The following ZC3H18 variants were observed in gnomAD, a reference collection of about 807,000 sequenced individuals.
The protein encoded by ZC3H18 is zinc finger CCCH-type containing 18, also known as zinc finger CCCH domain-containing protein 18.
A neutral mutation model predicts 106.1 loss-of-function variants in ZC3H18; 8 were observed. The observed-to-expected ratio is 0.08, with a 90% CI of 0.04 to 0.14. ZC3H18 has a LOEUF of 0.14. ZC3H18 is among the 10% of genes least tolerant of loss of function. ZC3H18 has a pLI of 1.00. For missense variants in ZC3H18, 1,318 were observed against 1,278.4 expected (o/e 1.03, Z -0.47); for synonymous variants, 635 against 522.1 (o/e 1.22, Z -2.95).
intron 8 of ZC3H18, among the ~76,000 whole-genome samples, chr16:88,617,537 C>CG (rs1567595390): frequency 6.6e-6 from 1 of 152,232 alleles, no homozygotes; most frequent in Non-Finnish European, 1.5e-5. Context: ...TAGTCATTGT[C>CG]ATTAGAAATG....
At chr16:88,628,556 G>A (rs768364838) in intron 15 of ZC3H18, 12 of 593,832 alleles carry the variant, frequency 2.0e-5, no homozygotes, top group East Asian at 5.8e-5. Context: ...CCCCTGGAAC[G>A]TGAAGGGCCC....
intron 6 of ZC3H18, among the ~76,000 whole-genome samples, chr16:88,604,371 C>A (rs1225920848): frequency 6.8e-6 from 1 of 146,520 alleles, no homozygotes; most frequent in Non-Finnish European, 1.5e-5. Flanking sequence ...AAAAAAAGTT[C>A]TCACATATGT....
chr16:88,591,610 T>C (rs2142623691), intron 3 of ZC3H18, among the ~76,000 whole-genome samples: 1 of 151,550 alleles, frequency 6.6e-6, no homozygotes, highest in East Asian at 1.9e-4. Flanking sequence ...TTTGTTAGTG[T>C]GGAGCAGCTG....
intron 2 of ZC3H18, among the ~76,000 whole-genome samples, chr16:88,585,970 G>A (rs1597326412): frequency 6.6e-6 from 1 of 152,140 alleles, no homozygotes; most frequent in Admixed American, 6.5e-5. Context: ...TCAGCTGCAC[G>A]TCCGTGGGAA....
intron 2 of ZC3H18, among the ~76,000 whole-genome samples, chr16:88,585,454 G>A (rs1230486501): frequency 6.6e-6 from 1 of 152,226 alleles, no homozygotes; most frequent in African/African-American, 2.4e-5. Flanking sequence ...GCCCTGGTGG[G>A]GCACAGGGTT....
intron 2 of ZC3H18, among the ~76,000 whole-genome samples, chr16:88,584,288 G>A (rs1234800800): frequency 6.6e-6 from 1 of 152,106 alleles, no homozygotes; most frequent in African/African-American, 2.4e-5. Flanking sequence ...CAGGCGTGAT[G>A]TCGGGCACCT....
chr16:88,613,268 G>T (rs144456538), intron 8 of ZC3H18, among the ~76,000 whole-genome samples: 1 of 152,240 alleles, frequency 6.6e-6, no homozygotes, highest in South Asian at 2.1e-4. Flanking sequence ...GTTGATGGAC[G>T]TTGGGTTGTT....
intron 6 of ZC3H18, among the ~76,000 whole-genome samples, chr16:88,607,164 C>G (rs371067193): frequency 1.3e-5 from 2 of 152,212 alleles, no homozygotes; most frequent in Non-Finnish European, 2.9e-5. Flanking sequence ...GAAGAATCCC[C>G]TCTGTCCCTG....
chr16:88,570,721 C>A (rs1332552513), intron 1 of ZC3H18, among the ~76,000 whole-genome samples, 155 bp downstream of exon 1: 5 of 151,562 alleles, frequency 3.3e-5, no homozygotes, highest in African/African-American at 1.2e-4. Context: ...GCCCTCGGGC[C>A]CAGGGAAGGG....
chr16:88,611,282 G>A lies in ZC3H18; in HGVS notation c.1221G>A (p.Glu407=). 1.3e-6 allele frequency: 1 copy of A among 775,196 alleles called. No individual in the cohort carries two copies. The allele number at this position is 775,196 out of a possible 1,614,324, so 48.0% of individuals were successfully genotyped here. ...PYHNYRERER[E]RERENRQRER... ...TTTTAACAAAGGAAAGGGAGCGGGA[G>A]CGAGAGAGAGAGAACAGACAGCGCG... is the stretch of plus-strand genomic sequence containing the variant. Residue 407 remains glutamate, a synonymous_variant, in exon 8 of 18, where the codon GAG becomes GAA. Coordinates refer to ENST00000301011, the MANE Select transcript of ZC3H18 (RefSeq NM_144604.4).
chr16:88,574,581 C>T lies in ZC3H18; in HGVS notation c.-14-2529C>T, dbSNP rs534349376. Reference sequence around the variant, plus strand: ...TCACTCTGTCACCCAGGCTGAACTGCAGCCTCAACCTCCTAGGATCAGGTG... The same window carrying T: ...TCACTCTGTCACCCAGGCTGAACTGTAGCCTCAACCTCCTAGGATCAGGTG... On this transcript the variant is annotated intron_variant, in intron 1 of 17. Transcript: ENST00000301011. Among the ~76,000 whole-genome samples, 7 of 151,460 alleles carry T rather than the reference C, an allele frequency of 4.6e-5. No individual in the cohort carries two copies. In the East Asian group the frequency reaches 1.4e-3, roughly 29 times the overall value.
intron 7 of ZC3H18, among the ~76,000 whole-genome samples, chr16:88,610,676 G>A (rs1025896202): frequency 1.3e-5 from 2 of 152,244 alleles, no homozygotes; most frequent in Admixed American, 1.3e-4. Context: ...GCAAATGAAT[G>A]AGTAAGAGCA....
intron 8 of ZC3H18, among the ~76,000 whole-genome samples, chr16:88,613,138 C>T (rs1186095937): frequency 6.6e-6 from 1 of 152,242 alleles, no homozygotes; most frequent in East Asian, 1.9e-4. Flanking sequence ...GTGTGCAATA[C>T]ACAGCGTTTT....
intron 8 of ZC3H18, among the ~76,000 whole-genome samples, chr16:88,616,108 G>A (rs1430878973): frequency 2.0e-5 from 3 of 152,182 alleles, no homozygotes; most frequent in Non-Finnish European, 2.9e-5. Context: ...GCAGCAGGTT[G>A]CCATCGCCAG....
At position 88,577,407 on chromosome 16, in the gene ZC3H18, C is replaced by A; in HGVS notation, c.284C>A (p.Ser95Tyr). Residue 95 changes from serine (S) to tyrosine (Y), a missense_variant, in exon 2 of 18, where the codon TCC becomes TAC. Around this residue, in one of 6 missense-constraint regions of ZC3H18, gnomAD observed 346 missense variants for 269.0 expected, o/e 1.29. Transcript: ENST00000301011. ...VNELSRGPTS[S>Y]PCEEEGDEGE... ...GAGCTGAGCCGGGGCCCGACCAGCT[C>A]CCCCTGCGAGGAGGAGGGGGACGAA... is the stretch of plus-strand genomic sequence containing the variant. The A allele has an allele frequency of 6.2e-7, 1 of 1,600,492 alleles. No homozygotes were observed. Among genetic ancestry groups the A allele is most frequent in the Non-Finnish European group, 8.5e-7 (1 of 1,171,904 alleles).
At chr16:88,577,807 G>T (rs749316691) in intron 2 of ZC3H18, 81 bp downstream of exon 2, 2 of 1,602,362 alleles carry the variant, frequency 1.2e-6, no homozygotes, top group African/African-American at 2.7e-5. Context: ...GAGGGACTCT[G>T]TGTGGGACTG....
At chr16:88,571,004 C>T (rs1914367864) in intron 1 of ZC3H18, among the ~76,000 whole-genome samples, 1 of 152,232 alleles carries the variant, frequency 6.6e-6, no homozygotes, top group African/African-American at 2.4e-5. Flanking sequence ...TATGAACCTC[C>T]TGGAACTTGC....
intron 6 of ZC3H18, among the ~76,000 whole-genome samples, chr16:88,606,079 C>T (rs892479856): frequency 6.6e-6 from 1 of 152,252 alleles, no homozygotes; most frequent in Non-Finnish European, 1.5e-5. Flanking sequence ...TGCTGCGAGC[C>T]AGCTTTGCCC....
At position 88,623,940 on chromosome 16, in the gene ZC3H18, C is replaced by T. The variant is rs751109241; in HGVS notation, c.1794-18C>T. 5.6e-6 allele frequency: 9 copies of T among 1,603,030 alleles called. No individual in the cohort carries two copies. Among genetic ancestry groups the T allele is most frequent in the Non-Finnish European group, 6.0e-6 (7 of 1,172,476 alleles). On this transcript the variant is annotated intron_variant, in intron 10 of 17. Coordinates refer to ENST00000301011, the MANE Select transcript of ZC3H18 (RefSeq NM_144604.4). ...AACACCCCCAGGCCCCTTCCGACAC[C>T]TTTGTTCACTCCCCTAGGTCCCGGT...
Sources: allele counts gnomAD v4.1 joint callset (sites outside exome capture counted in the v4.1 genomes callset), GRCh38; gene constraint gnomAD v4.1.1; regional missense constraint gnomAD v4.1.1; transcripts MANE v1.5; gene names NCBI Gene and HGNC (gene_info 2026-07-23, HGNC 2026-07-21).